Variants in PRKG1 observed in about 807,000 individuals in gnomAD.
PRKG1 encodes the protein protein kinase cGMP-dependent 1, also known as cGMP-dependent protein kinase 1.
PRKG1 carries 35 observed loss-of-function variants against 88.1 expected under a neutral mutation model. That is an observed-to-expected ratio of 0.40 (90% CI 0.30 to 0.53). The LOEUF is 0.53. Ranked by LOEUF, PRKG1 falls within the 20% of genes least tolerant of loss-of-function variation. The pLI is 0.59. For synonymous variants in PRKG1, 303 were observed against 292.5 expected (o/e 1.04, Z -0.37); for missense variants, 540 against 839.8 (o/e 0.64, Z 4.41).
intron 10 of PRKG1, among the ~76,000 whole-genome samples, chr10:52,263,064 T>C (rs1841472004): frequency 1.3e-5 from 2 of 152,156 alleles, no homozygotes; most frequent in South Asian, 4.1e-4. Context: ...AAGAACTTTG[T>C]GTTAATTATG....
intron 9 of PRKG1, among the ~76,000 whole-genome samples, chr10:52,173,338 G>A (rs1036232659): frequency 1.3e-5 from 2 of 151,894 alleles, no homozygotes; most frequent in African/African-American, 2.4e-5. Flanking sequence ...ATTTTCTTTC[G>A]AATATGGCAT....
intron 3 of PRKG1, among the ~76,000 whole-genome samples, chr10:51,644,806 G>T (rs946487503): frequency 6.6e-6 from 1 of 151,994 alleles, no homozygotes. Flanking sequence ...CCTTTCTTGA[G>T]ACCAAGTCTC....
At chr10:52,288,000 C>T (rs1267306798) in intron 14 of PRKG1, among the ~76,000 whole-genome samples, 3 of 152,024 alleles carry the variant, frequency 2.0e-5, no homozygotes, top group South Asian at 2.1e-4. Flanking sequence ...TTACAAAGTA[C>T]AATAAGTGGC....
At chr10:51,814,798 T>A (rs1462392246) in intron 4 of PRKG1, among the ~76,000 whole-genome samples, 1 of 152,166 alleles carries the variant, frequency 6.6e-6, no homozygotes, top group African/African-American at 2.4e-5. Flanking sequence ...GACAATGTAA[T>A]CTCAGATATT....
At chr10:51,850,270 G>A (rs531563579) in intron 4 of PRKG1, among the ~76,000 whole-genome samples, 1 of 152,220 alleles carries the variant, frequency 6.6e-6, no homozygotes, top group South Asian at 2.1e-4. Flanking sequence ...TCTGCATCCC[G>A]GGTTCAAGCG....
intron 3 of PRKG1, among the ~76,000 whole-genome samples, chr10:51,543,470 C>A (rs1239407264): frequency 6.6e-6 from 1 of 152,206 alleles, no homozygotes. Context: ...CATCCACATG[C>A]AGGTAACCCT....
rs534659573 is a variant in PRKG1, at chr10:51,685,842, CA to C, written c.593-118736del. On this transcript the variant is annotated intron_variant, in intron 3 of 17. Coordinates refer to ENST00000373980, the MANE Select transcript of PRKG1 (RefSeq NM_006258.4). ...TGGGGAAAACAAAACAACAACAAAA[CA>C]AAAAAAGTAACTATTCCTCCCTCAT... Among the ~76,000 whole-genome samples the C allele has an allele frequency of 1.9e-3, 291 of 151,994 alleles. 1 individual carries two copies. The highest frequency in any genetic ancestry group is 2.1e-3 in the Non-Finnish European group (145 of 67,962).
chr10:52,242,825 G>T (rs933194184), intron 9 of PRKG1, among the ~76,000 whole-genome samples: 2 of 152,012 alleles, frequency 1.3e-5, no homozygotes, highest in Admixed American at 6.6e-5. Context: ...GAACCCAGGA[G>T]GTAGAGGTTA....
intron 2 of PRKG1, among the ~76,000 whole-genome samples, chr10:51,213,553 T>C (rs1838291189): frequency 6.6e-6 from 1 of 152,240 alleles, no homozygotes; most frequent in South Asian, 2.1e-4. Flanking sequence ...GAGTGACCAC[T>C]CATTTGGAAT....
At chr10:51,781,689 A>G (rs971595295) in intron 3 of PRKG1, among the ~76,000 whole-genome samples, 2 of 152,168 alleles carry the variant, frequency 1.3e-5, no homozygotes, top group Non-Finnish European at 2.9e-5. Context: ...AGCTGGAATT[A>G]GCACTACTTC....
chr10:51,300,727 A>G (rs182074508), intron 2 of PRKG1, among the ~76,000 whole-genome samples: 2 of 152,292 alleles, frequency 1.3e-5, no homozygotes, highest in Non-Finnish European at 1.5e-5. Flanking sequence ...TCCATAGTCA[A>G]TTACACACTG....
intron 3 of PRKG1, among the ~76,000 whole-genome samples, chr10:51,744,573 TTA>T (rs1837529090): frequency 6.6e-6 from 1 of 152,222 alleles, no homozygotes; most frequent in Admixed American, 6.5e-5. Flanking sequence ...TGATAGTTTT[TTA>T]TGTTAGTATT....
At chr10:51,478,210 A>G (rs1433761960) in intron 3 of PRKG1, among the ~76,000 whole-genome samples, 1 of 152,138 alleles carries the variant, frequency 6.6e-6, no homozygotes, top group East Asian at 1.9e-4. Flanking sequence ...ATAGATGGCT[A>G]TTGAGCATGC....
intron 1 of PRKG1, among the ~76,000 whole-genome samples, chr10:51,142,981 G>A (rs991917824): frequency 1.3e-5 from 2 of 151,910 alleles, no homozygotes; most frequent in African/African-American, 2.4e-5. Flanking sequence ...CATTTTTATG[G>A]TGAGAATACA....
chr10:51,820,581 C>G (rs1476657124), intron 4 of PRKG1, among the ~76,000 whole-genome samples: 1 of 152,120 alleles, frequency 6.6e-6, no homozygotes, highest in Non-Finnish European at 1.5e-5. Flanking sequence ...GACCACACCC[C>G]ACACCTTCAC....
At chr10:52,009,192 A>G (rs1165002731) in intron 5 of PRKG1, among the ~76,000 whole-genome samples, 1 of 152,176 alleles carries the variant, frequency 6.6e-6, no homozygotes, top group Non-Finnish European at 1.5e-5. Flanking sequence ...CAAGAGAAAG[A>G]AATAAGAGAC....
At chr10:51,793,761 A>C (rs1838933728) in intron 3 of PRKG1, among the ~76,000 whole-genome samples, 1 of 152,062 alleles carries the variant, frequency 6.6e-6, no homozygotes, top group Non-Finnish European at 1.5e-5. Context: ...ATATTAGATA[A>C]AATACATTTT....
chr10:51,796,493 A>G (rs1226379874), intron 3 of PRKG1, among the ~76,000 whole-genome samples: 2 of 152,068 alleles, frequency 1.3e-5, no homozygotes, highest in African/African-American at 2.4e-5. Context: ...CAAGTTCTCA[A>G]TAGCCATGTA....
chr10:51,999,109 A>G (rs184037956), intron 5 of PRKG1, among the ~76,000 whole-genome samples: 1 of 152,322 alleles, frequency 6.6e-6, no homozygotes, highest in East Asian at 1.9e-4. Context: ...GAATCTAACT[A>G]TAACCAAAAG....
Sources: allele counts gnomAD v4.1 joint callset (sites outside exome capture counted in the v4.1 genomes callset), GRCh38; gene constraint gnomAD v4.1.1; transcripts MANE v1.5; gene names NCBI Gene and HGNC (gene_info 2026-07-23, HGNC 2026-07-21).